Variants in CCM2 observed in about 807,000 individuals in gnomAD.
CCM2 encodes cerebral cavernous malformations 2 protein.
In CCM2, 25 loss-of-function variants were observed where a neutral mutation model predicts 44.9. That is an observed-to-expected ratio of 0.56 (90% CI 0.41 to 0.78). The LOEUF (loss-of-function observed/expected upper bound fraction) is 0.78. Ranked by LOEUF, CCM2 falls within the 30% of genes least tolerant of loss-of-function variation. CCM2 has a pLI of 0.00. For synonymous variants in CCM2, 219 were observed against 241.1 expected, an observed-to-expected ratio of 0.91 and a Z score of 0.85; for missense variants, 481 against 580.6, an observed-to-expected ratio of 0.83 and a Z score of 1.76.
intron 1 of CCM2, among the ~76,000 whole-genome samples, chr7:45,023,395 C>A (rs1033869770): frequency 6.6e-6 from 1 of 152,054 alleles, no homozygotes; most frequent in African/African-American, 2.4e-5. Flanking sequence ...ACTAAAAATA[C>A]AAAAATTAGC....
intron 2 of CCM2, among the ~76,000 whole-genome samples, chr7:45,045,371 A>G (rs1291740925): frequency 8.6e-6 from 1 of 116,080 alleles, no homozygotes; most frequent in Non-Finnish European, 1.7e-5. Flanking sequence ...AAATAAAAGA[A>G]AAATCACCGC....
At chr7:45,058,025 CTACATTGCA>C in intron 2 of CCM2, among the ~76,000 whole-genome samples, 1 of 152,332 alleles carries the variant, frequency 6.6e-6, no homozygotes, top group Middle Eastern at 3.4e-3. Flanking sequence ...AGTGAGAAGG[CTACATTGCA>C]TAGCAAGCAG....
intron 2 of CCM2, among the ~76,000 whole-genome samples, chr7:45,042,626 T>G (rs749528470): frequency 1.4e-4 from 21 of 152,304 alleles, no homozygotes; most frequent in Non-Finnish European, 2.8e-4. Context: ...TTCTTCAAGT[T>G]CTGAGAGACC....
intron 1 of CCM2, among the ~76,000 whole-genome samples, chr7:45,033,293 T>C (rs1290649270): frequency 6.6e-6 from 1 of 152,136 alleles, no homozygotes; most frequent in African/African-American, 2.4e-5. Context: ...TAATTCTGTG[T>C]GGAGACTATA....
At chr7:45,049,434 C>G (rs960754970) in intron 2 of CCM2, among the ~76,000 whole-genome samples, 13 of 152,140 alleles carry the variant, frequency 8.5e-5, no homozygotes, top group African/African-American at 2.9e-4. Context: ...GCATTTGTTT[C>G]CCAAATGATT....
At chr7:45,035,044 C>T (rs1286972839) in intron 1 of CCM2, among the ~76,000 whole-genome samples, 3 of 151,880 alleles carry the variant, frequency 2.0e-5, no homozygotes, top group Admixed American at 6.6e-5. Flanking sequence ...ACCAGGTTGC[C>T]GGGCTGGTCT....
At chr7:45,073,397 T>C (rs1799179589) in intron 7 of CCM2, 63 bp from the exon 8 acceptor site, 2 of 1,128,546 alleles carry the variant, frequency 1.8e-6, no homozygotes, top group Non-Finnish European at 2.7e-6. Context: ...CTAGGTTTCC[T>C]GAAACGTGTG....
At chr7:45,049,820 T>G (rs2128738613) in intron 2 of CCM2, among the ~76,000 whole-genome samples, 1 of 152,290 alleles carries the variant, frequency 6.6e-6, no homozygotes, top group East Asian at 1.9e-4. Context: ...GTTCTTCACC[T>G]GAGTCAAGCA....
chr7:45,041,352 A>G (rs1023969128), intron 2 of CCM2, among the ~76,000 whole-genome samples: 7 of 152,224 alleles, frequency 4.6e-5, no homozygotes, highest in Admixed American at 3.9e-4. Flanking sequence ...AGTTAAGTGC[A>G]TCTAAAATCT....
At chr7:45,050,752 T>C (rs1033363649) in intron 2 of CCM2, among the ~76,000 whole-genome samples, 37 of 152,212 alleles carry the variant, frequency 2.4e-4, no homozygotes, top group African/African-American at 8.2e-4. Context: ...GGTAAGTTAG[T>C]CCTCTGCTGT....
intron 1 of CCM2, among the ~76,000 whole-genome samples, chr7:45,024,122 T>G (rs1796596478): frequency 1.3e-5 from 2 of 152,188 alleles, no homozygotes; most frequent in South Asian, 4.1e-4. Flanking sequence ...CTGTATCAGT[T>G]TTGAATTTAG....
chr7:45,024,037 C>T (rs930463988), intron 1 of CCM2, among the ~76,000 whole-genome samples: 1 of 152,016 alleles, frequency 6.6e-6, no homozygotes, highest in African/African-American at 2.4e-5. Flanking sequence ...TCTCGAATTC[C>T]CGACATCAGG....
At chr7:45,049,408 A>G (rs1797900164) in intron 2 of CCM2, among the ~76,000 whole-genome samples, 1 of 152,202 alleles carries the variant, frequency 6.6e-6, no homozygotes, top group Admixed American at 6.5e-5. Context: ...GTCTGTCCAT[A>G]TATGAGCTTA....
At chr7:45,007,336 C>T (rs1363499428) in intron 1 of CCM2, among the ~76,000 whole-genome samples, 2 of 152,142 alleles carry the variant, frequency 1.3e-5, no homozygotes, top group Non-Finnish European at 2.9e-5. Context: ...ATCGCTGTGT[C>T]CTTGTGAACA....
chr7:45,059,571 C>A (rs1029416651), intron 2 of CCM2, among the ~76,000 whole-genome samples: 14 of 152,010 alleles, frequency 9.2e-5, no homozygotes, highest in African/African-American at 3.4e-4. Flanking sequence ...ATGGCAAAAC[C>A]CCGTCTGTCT....
At chr7:45,030,337 CTA>C (rs1236736443) in intron 1 of CCM2, among the ~76,000 whole-genome samples, 1 of 152,226 alleles carries the variant, frequency 6.6e-6, no homozygotes, top group Non-Finnish European at 1.5e-5. Flanking sequence ...CTTTTAAATT[CTA>C]TGTGTCCATC....
At position 45,021,273 on chromosome 7, in the gene CCM2, T is replaced by A. The variant is rs976193696; in HGVS notation, c.31-16980T>A. Among the ~76,000 whole-genome samples the A allele has an allele frequency of 2.6e-5, 4 of 151,574 alleles. No homozygotes were observed. In the South Asian group the frequency reaches 8.3e-4, roughly 32 times the overall value. On this transcript the variant is annotated intron_variant, in intron 1 of 9. Transcript: ENST00000258781. ...CCCTGTCTCTAAAAAATAAAAAAAA[T>A]AATAAATAGGCTGGCACGGTGGCTC...
chr7:45,029,224 A>G (rs1796842180), intron 1 of CCM2, among the ~76,000 whole-genome samples: 2 of 152,136 alleles, frequency 1.3e-5, no homozygotes, highest in Admixed American at 1.3e-4. Context: ...AATACTCATG[A>G]GATGTACTGA....
At chr7:45,035,466 G>T (rs534775068) in intron 1 of CCM2, among the ~76,000 whole-genome samples, 1 of 152,096 alleles carries the variant, frequency 6.6e-6, no homozygotes, top group South Asian at 2.1e-4. Context: ...GCCTATTCCA[G>T]GTCAAAGGGG....
Sources: allele counts gnomAD v4.1 joint callset (sites outside exome capture counted in the v4.1 genomes callset), GRCh38; gene constraint gnomAD v4.1.1; transcripts MANE v1.5; gene names NCBI Gene and HGNC (gene_info 2026-07-23, HGNC 2026-07-21).